Variants in CTNNA2 observed in about 807,000 individuals in gnomAD.
CTNNA2 encodes the protein catenin alpha 2, also known as catenin alpha-2.
In CTNNA2, 42 loss-of-function variants were observed where a neutral mutation model predicts 101.0. The ratio of observed to expected loss-of-function variants is 0.42; its 90% CI spans 0.32 to 0.54. CTNNA2 has a LOEUF of 0.54. CTNNA2 is among the 20% of genes least tolerant of loss of function. The pLI is 0.14. For missense variants in CTNNA2, 871 were observed against 1,223.1 expected (o/e 0.71, Z 4.29); for synonymous variants, 450 against 456.4 (o/e 0.99, Z 0.18).
At chr2:79,670,319 G>A (rs1045499443) in intron 2 of CTNNA2, among the ~76,000 whole-genome samples, 8 of 152,170 alleles carry the variant, frequency 5.3e-5, no homozygotes, top group Non-Finnish European at 1.2e-4. Context: ...AGGGAGGCTC[G>A]ATCCATAGCT....
intron 7 of CTNNA2, among the ~76,000 whole-genome samples, chr2:80,038,076 A>C (rs1385843541): frequency 6.6e-6 from 1 of 152,164 alleles, no homozygotes; most frequent in Non-Finnish European, 1.5e-5. Flanking sequence ...TGAAAAAAAA[A>C]ACTGACTCCT....
chr2:79,471,768 G>A (rs1671001777), intron 4 of CTNNA2, among the ~76,000 whole-genome samples: 1 of 152,074 alleles, frequency 6.6e-6, no homozygotes, highest in South Asian at 2.1e-4. Context: ...AACCCAGGAG[G>A]CGGAGCTTGC....
chr2:79,412,879 A>G (rs1037609080), intron 4 of CTNNA2, among the ~76,000 whole-genome samples: 1 of 152,142 alleles, frequency 6.6e-6, no homozygotes, highest in African/African-American at 2.4e-5. Context: ...AATGAGCATT[A>G]GTGGTGATAG....
At chr2:80,340,635 G>A (rs540734795) in intron 7 of CTNNA2, among the ~76,000 whole-genome samples, 1 of 152,142 alleles carries the variant, frequency 6.6e-6, no homozygotes, top group Non-Finnish European at 1.5e-5. Context: ...CACAGACTTA[G>A]AGTCTCATTC....
intron 3 of CTNNA2, among the ~76,000 whole-genome samples, chr2:79,333,579 T>C (rs1015713444): frequency 6.6e-6 from 1 of 152,154 alleles, no homozygotes; most frequent in Non-Finnish European, 1.5e-5. Flanking sequence ...TTTATTCCTG[T>C]ATGCATAACA....
intron 3 of CTNNA2, among the ~76,000 whole-genome samples, chr2:79,327,221 T>A (rs1234341211): frequency 6.6e-6 from 1 of 152,228 alleles, no homozygotes. Context: ...TGGAATACTT[T>A]TAAAAAGTAA....
intron 2 of CTNNA2, among the ~76,000 whole-genome samples, chr2:79,266,343 AG>A (rs1283376545): frequency 6.6e-6 from 1 of 152,158 alleles, no homozygotes; most frequent in East Asian, 1.9e-4. Context: ...GATCACTTTG[AG>A]GGACATTTCT....
At chr2:80,217,091 C>G (rs1708314194) in intron 7 of CTNNA2, among the ~76,000 whole-genome samples, 1 of 152,002 alleles carries the variant, frequency 6.6e-6, no homozygotes, top group East Asian at 1.9e-4. Flanking sequence ...CTCGGCCTCC[C>G]AAAATGCTGG....
chr2:79,958,633 A>T (rs1181732359), intron 7 of CTNNA2, among the ~76,000 whole-genome samples: 3 of 152,218 alleles, frequency 2.0e-5, no homozygotes, highest in African/African-American at 7.2e-5. Flanking sequence ...CCTTGATTTT[A>T]GTCCAGTGAG....
chr2:80,561,912 G>A (rs1191329104), intron 12 of CTNNA2, among the ~76,000 whole-genome samples: 1 of 150,234 alleles, frequency 6.7e-6, no homozygotes, highest in Non-Finnish European at 1.5e-5. Flanking sequence ...CTGACCTCAG[G>A]TAATCTGCCT....
chr2:79,656,831 T>C (rs192041710), intron 2 of CTNNA2, among the ~76,000 whole-genome samples: 8 of 151,932 alleles, frequency 5.3e-5, no homozygotes, highest in Non-Finnish European at 8.8e-5. Context: ...TAGGCAACTT[T>C]ATTACAAAAC....
At chr2:79,742,368 G>T (rs2104979627) in intron 2 of CTNNA2, among the ~76,000 whole-genome samples, 1 of 152,076 alleles carries the variant, frequency 6.6e-6, no homozygotes, top group African/African-American at 2.4e-5. Context: ...AATAGATTAT[G>T]AAACATCTTA....
At chr2:79,985,480 A>G (rs1229266235) in intron 7 of CTNNA2, among the ~76,000 whole-genome samples, 1 of 152,142 alleles carries the variant, frequency 6.6e-6, no homozygotes, top group Non-Finnish European at 1.5e-5. Flanking sequence ...TGCTTTCCTC[A>G]GAGTCCAGTC....
Position 79,606,947 on chromosome 2 carries a change from C to T in CTNNA2, c.-5-44605C>T, listed in dbSNP as rs879520095. Among the ~76,000 whole-genome samples the T allele has an allele frequency of 3.3e-5, 5 of 152,038 alleles. No homozygotes were observed. The South Asian group carries it at 6.2e-4, about 19-fold the overall frequency. On this transcript the variant is annotated intron_variant, in intron 1 of 18. Coordinates refer to ENST00000402739, the MANE Select transcript of CTNNA2 (RefSeq NM_001282597.3). Reference sequence around the variant, plus strand: ...ATAGACTTAAATTTAATCATGTCAACGATTACATTGAACATAACTGGTTTA... The same window carrying T: ...ATAGACTTAAATTTAATCATGTCAATGATTACATTGAACATAACTGGTTTA...
chr2:80,033,031 GTC>G (rs1695398235), intron 7 of CTNNA2, among the ~76,000 whole-genome samples: 1 of 150,638 alleles, frequency 6.6e-6, no homozygotes, highest in Non-Finnish European at 1.5e-5. Flanking sequence ...GGCGCCTGTA[GTC>G]CCAGATACTC....
chr2:79,281,703 A>G (rs1227913965), intron 2 of CTNNA2, among the ~76,000 whole-genome samples: 1 of 152,242 alleles, frequency 6.6e-6, no homozygotes, highest in African/African-American at 2.4e-5. Context: ...TTCTGAAACT[A>G]CCAAAGACAA....
At chr2:79,414,858 G>A (rs1156822508) in intron 4 of CTNNA2, among the ~76,000 whole-genome samples, 2 of 152,058 alleles carry the variant, frequency 1.3e-5, no homozygotes, top group Non-Finnish European at 2.9e-5. Flanking sequence ...GCCACCAGAT[G>A]ACTGTACCAT....
intron 8 of CTNNA2, among the ~76,000 whole-genome samples, chr2:80,405,125 T>C (rs1678942376): frequency 6.6e-6 from 1 of 152,188 alleles, no homozygotes; most frequent in African/African-American, 2.4e-5. Flanking sequence ...GATCATCTGA[T>C]CTATTACTCC....
At chr2:80,479,771 A>G (rs925855445) in intron 9 of CTNNA2, among the ~76,000 whole-genome samples, 2 of 152,204 alleles carry the variant, frequency 1.3e-5, no homozygotes, top group Admixed American at 6.5e-5. Context: ...ATTATTATAC[A>G]AAACTGATTT....
Sources: allele counts gnomAD v4.1 joint callset (sites outside exome capture counted in the v4.1 genomes callset), GRCh38; gene constraint gnomAD v4.1.1; transcripts MANE v1.5; gene names NCBI Gene and HGNC (gene_info 2026-07-23, HGNC 2026-07-21).